Variants in NPFFR1 observed in about 807,000 individuals in gnomAD.
The protein encoded by NPFFR1 is G-protein coupled receptor 147.
Under a neutral mutation model 12.7 loss-of-function variants are expected in NPFFR1, and 17 were observed. The observed-to-expected ratio is 1.34, with a 90% CI of 0.92 to 2.01. NPFFR1 has a LOEUF of 2.01. Among genes scored for constraint, NPFFR1 ranks in the 30% most tolerant of loss-of-function variants. NPFFR1 has a pLI of 0.00. For missense variants in NPFFR1, 604 were observed against 606.5 expected, an observed-to-expected ratio of 1.00 and a Z score of 0.04; for synonymous variants, 296 against 264.5, an observed-to-expected ratio of 1.12 and a Z score of -1.16.
chr10:70,275,897 C>G lies in NPFFR1; in HGVS notation c.7+7773G>C, dbSNP rs1840799626. On this transcript the variant is annotated intron_variant, in intron 1 of 3. Coordinates refer to ENST00000277942, the MANE Select transcript of NPFFR1 (RefSeq NM_022146.5). ...ATCAAAACTCAAAGACAAAAAGAGA[C>G]TTGCTCTAAGAATACAGCATGCAGT... Among the ~76,000 whole-genome samples the G allele has an allele frequency of 2.0e-5, 3 of 152,184 alleles. No individual in the cohort carries two copies. In the South Asian group the frequency reaches 6.2e-4, roughly 32 times the overall value.
chr10:70,257,023 T>G (rs1400910696), intron 3 of NPFFR1, among the ~76,000 whole-genome samples: 1 of 152,170 alleles, frequency 6.6e-6, no homozygotes, highest in Non-Finnish European at 1.5e-5. Context: ...TCCCAGCACT[T>G]TGGGAGGCCA....
intron 2 of NPFFR1, among the ~76,000 whole-genome samples, chr10:70,264,306 G>A (rs1302227398): frequency 2.0e-5 from 3 of 149,398 alleles, no homozygotes; most frequent in Non-Finnish European, 4.4e-5. Flanking sequence ...CCTGGGAGGC[G>A]GAGGTTGCAG....
At chr10:70,270,683 T>C (rs768283614) in intron 1 of NPFFR1, among the ~76,000 whole-genome samples, 1 of 152,124 alleles carries the variant, frequency 6.6e-6, no homozygotes, top group Non-Finnish European at 1.5e-5. Context: ...GCAATTCCAC[T>C]GGACTGGAGG....
intron 1 of NPFFR1, among the ~76,000 whole-genome samples, chr10:70,270,913 G>A (rs767270073): frequency 6.6e-6 from 1 of 152,160 alleles, no homozygotes; most frequent in Non-Finnish European, 1.5e-5. Context: ...AGATCAGGGT[G>A]TATAGTTCTC....
intron 1 of NPFFR1, among the ~76,000 whole-genome samples, chr10:70,274,486 G>A (rs1840781285): frequency 6.6e-6 from 1 of 152,106 alleles, no homozygotes; most frequent in Non-Finnish European, 1.5e-5. Flanking sequence ...GTTGGGGGCT[G>A]GGAAACTTGG....
At chr10:70,272,583 T>C (rs1188086339) in intron 1 of NPFFR1, among the ~76,000 whole-genome samples, 1 of 152,232 alleles carries the variant, frequency 6.6e-6, no homozygotes, top group African/African-American at 2.4e-5. Flanking sequence ...TTTGCTTTGA[T>C]TGTTGGGTTA....
chr10:70,255,848 G>A lies in NPFFR1; in HGVS notation c.423-21C>T. ...GGAACCTGCCGCGGGGAGAGAGACA[G>A]GCGGGATCTGGGTGGGTCCTAGGGC... On this transcript the variant is annotated intron_variant, in intron 3 of 3. Transcript: ENST00000277942. This position sits in a 1 kb window ranked among gnomAD's most constrained non-coding sequence, Gnocchi z 4.2. 1 of 1,591,130 alleles carries A rather than the reference G, an allele frequency of 6.3e-7. No homozygotes were observed. The highest frequency in any genetic ancestry group is 8.6e-7 in the Non-Finnish European group (1 of 1,168,858).
chr10:70,269,450 C>T (rs1283926239), intron 1 of NPFFR1, among the ~76,000 whole-genome samples: 1 of 152,006 alleles, frequency 6.6e-6, no homozygotes, highest in Non-Finnish European at 1.5e-5. Flanking sequence ...AGCCACTGTG[C>T]CATCAGCTTT....
chr10:70,263,250 A>G (rs73277720), intron 2 of NPFFR1, among the ~76,000 whole-genome samples: 16,830 of 152,200 alleles, frequency 0.11, 1,131 homozygotes, highest in Middle Eastern at 0.18. Flanking sequence ...ATGTTAAATT[A>G]TATATTAACA....
chr10:70,270,742 C>A (rs1049285530), intron 1 of NPFFR1, among the ~76,000 whole-genome samples: 1 of 152,190 alleles, frequency 6.6e-6, no homozygotes, highest in Non-Finnish European at 1.5e-5. Context: ...AGCCAGAGAC[C>A]TCATTGACAC....
At chr10:70,274,825 G>C (rs995121179) in intron 1 of NPFFR1, among the ~76,000 whole-genome samples, 2 of 152,210 alleles carry the variant, frequency 1.3e-5, no homozygotes, top group African/African-American at 4.8e-5. Flanking sequence ...GGCAGCTGTG[G>C]GGAACCAGTA....
At position 70,248,403 on chromosome 10, in the gene NPFFR1, T is replaced by C. The variant is rs1316686685; in HGVS notation, c.*6554A>G. 1 of 150,926 alleles carries C rather than the reference T, an allele frequency of 6.6e-6. No individual in the cohort carries two copies. Among genetic ancestry groups the C allele is most frequent in the Non-Finnish European group, 1.5e-5 (1 of 67,876 alleles). The allele number at this position is 150,926 out of a possible 1,614,324, so 9.3% of individuals were successfully genotyped here. A position where few individuals can be genotyped will look rare whatever the true frequency, so the allele number is the denominator to read the frequency against. Reference sequence around the variant, plus strand: ...GAAATAGACATAGTTCCTGTCCTCATGGAGCTTATGGTCCACTGTGAGAAA... The same window carrying C: ...GAAATAGACATAGTTCCTGTCCTCACGGAGCTTATGGTCCACTGTGAGAAA... On this transcript the variant is annotated 3_prime_UTR_variant, in exon 4 of 4. Coordinates refer to ENST00000277942, the MANE Select transcript of NPFFR1 (RefSeq NM_022146.5).
intron 1 of NPFFR1, chr10:70,277,819 G>A (rs1589916443): frequency 2.2e-6 from 1 of 454,578 alleles, no homozygotes; most frequent in Non-Finnish European, 4.4e-6. Flanking sequence ...TTGTCCCACA[G>A]CATAACATCA....
intron 3 of NPFFR1, among the ~76,000 whole-genome samples, chr10:70,256,702 T>G (rs1840576523): frequency 6.6e-6 from 1 of 152,226 alleles, no homozygotes; most frequent in Admixed American, 6.5e-5. Context: ...ACTACACTGT[T>G]GATTTACAGA....
At chr10:70,263,037 C>T (rs1360532577) in intron 2 of NPFFR1, among the ~76,000 whole-genome samples, 1 of 152,088 alleles carries the variant, frequency 6.6e-6, no homozygotes, top group Admixed American at 6.5e-5. Context: ...CATGGTGGCG[C>T]ATTTCTGTAG....
intron 2 of NPFFR1, among the ~76,000 whole-genome samples, chr10:70,262,895 G>A (rs1840647848): frequency 6.6e-6 from 1 of 152,166 alleles, no homozygotes; most frequent in Non-Finnish European, 1.5e-5. Flanking sequence ...TCTCAGCCAG[G>A]TGTAGTAATC....
At chr10:70,282,704 T>C (rs1034087917) in intron 1 of NPFFR1, among the ~76,000 whole-genome samples, 2 of 152,146 alleles carry the variant, frequency 1.3e-5, no homozygotes, top group Non-Finnish European at 2.9e-5. Context: ...CCCCATTCGA[T>C]AGATGGGTGA....
intron 2 of NPFFR1, among the ~76,000 whole-genome samples, chr10:70,263,374 G>C (rs1840654279): frequency 6.6e-6 from 1 of 152,240 alleles, no homozygotes; most frequent in African/African-American, 2.4e-5. Flanking sequence ...CTGGGTTCAC[G>C]CCATTCTCCT....
rs1179120517 is a variant in NPFFR1 at position 70,251,934 on chromosome 10, C to T, written c.*3023G>A. On this transcript the variant is annotated 3_prime_UTR_variant, in exon 4 of 4. Coordinates refer to ENST00000277942, the MANE Select transcript of NPFFR1 (RefSeq NM_022146.5). ...AGAAGCCCAGAGCAGCTGGGGTGGG[C>T]ACAGGGAAGTGAGACACATCACAGC... 6.6e-6 allele frequency: 1 copy of T among 152,218 alleles called. No homozygotes were observed. Among genetic ancestry groups the T allele is most frequent in the African/African-American group, 2.4e-5 (1 of 41,450 alleles). The allele number at this position is 152,218 out of a possible 1,614,324, so 9.4% of individuals were successfully genotyped here.
Sources: gnomAD v4.1 joint callset for allele counts (sites outside exome capture counted in the v4.1 genomes callset) on GRCh38, gnomAD v4.1.1 for gene constraint, Gnocchi (gnomAD v3.1) non-coding constraint, MANE v1.5 for transcripts, NCBI Gene and HGNC (gene_info 2026-07-23, HGNC 2026-07-21) for gene names.